The following USP15 variants were observed in gnomAD, a reference collection of about 807,000 sequenced individuals.
USP15 encodes ubiquitin carboxyl-terminal hydrolase 15.
USP15 carries 18 observed loss-of-function variants against 127.1 expected under a neutral mutation model. That is an observed-to-expected ratio of 0.14 (90% confidence interval 0.10 to 0.21). The LOEUF is 0.21. Among genes scored for constraint, USP15 ranks in the 10% least tolerant of loss-of-function variants. The pLI is 1.00. For missense variants in USP15, 805 were observed against 1,159.9 expected (o/e 0.69, Z 4.44); for synonymous variants, 364 against 393.7 (o/e 0.92, Z 0.89).
chr12:62,300,870 G>GA (rs529379341), intron 2 of USP15, among the ~76,000 whole-genome samples: 3 of 152,112 alleles, frequency 2.0e-5, no homozygotes, highest in Admixed American at 2.0e-4. Flanking sequence ...GTTGCTAAAA[G>GA]AAAAAATGTA....
chr12:62,267,091 A>G (rs1212925158), intron 1 of USP15: 1 of 152,130 alleles, frequency 6.6e-6, no homozygotes, highest in Non-Finnish European at 1.5e-5. Context: ...CCTTGTATAG[A>G]ATTTTTCAAC....
rs1001081070 is a variant in USP15 at position 62,404,489 on chromosome 12, C to T, written c.*114C>T. 5.2e-6 allele frequency: 7 copies of T among 1,359,134 alleles called. No homozygotes were observed. Among genetic ancestry groups the T allele is most frequent in the Admixed American group, 3.2e-5 (1 of 30,796 alleles). 84.2% of individuals were successfully genotyped at this position (1,359,134 alleles called of 1,614,324 possible). Reference sequence around the variant, plus strand: ...TCTGAGATGGGGAGTTTCAGATAACCGAATGTAAATCCTTTATCAGATTTT... The same window carrying T: ...TCTGAGATGGGGAGTTTCAGATAACTGAATGTAAATCCTTTATCAGATTTT... On this transcript the variant is annotated 3_prime_UTR_variant, in exon 22 of 22. Coordinates refer to ENST00000280377, the MANE Select transcript of USP15 (RefSeq NM_001252078.2).
rs115448967 is a variant in USP15 at position 62,382,774 on chromosome 12, G to A, written c.1090-1066G>A. ...TCTCTGTGATACTCATCCTCCTTTT[G>A]CGCATAGAAACTAAGTGAGAGCCTA... On this transcript the variant is annotated intron_variant, in intron 9 of 21. Transcript: ENST00000280377. Among the ~76,000 whole-genome samples the A allele has an allele frequency of 3.7e-3, 561 of 151,842 alleles. 5 individuals are homozygous for A. The highest frequency in any genetic ancestry group is 0.013 in the African/African-American group (528 of 41,452).
chr12:62,392,487 G>A (rs1480474014), intron 18 of USP15, 100 bp downstream of exon 18: 8 of 846,024 alleles, frequency 9.5e-6, no homozygotes, highest in Non-Finnish European at 7.2e-6. Context: ...AATTCTCTTT[G>A]ATGTTTTAAA....
In USP15 at chr12:62,389,926, T is replaced by C. The variant is rs759284139; in HGVS notation, c.1782T>C (p.Leu594=). ...CTTCACTTTTTGGTCAGCCCTTTCT[T>C]ATGGCTGTACCACGAAACAATACTG... ...TGSSLFGQPF[L]MAVPRNNTED... The change falls in exon 14 of 22, where the codon CTT becomes CTC. Residue 594 remains leucine, a synonymous_variant. Coordinates refer to ENST00000280377, the MANE Select transcript of USP15 (RefSeq NM_001252078.2). 7.4e-6 allele frequency: 12 copies of C among 1,613,786 alleles called. 1 individual carries two copies. The South Asian group carries it at 1.2e-4, about 16-fold the overall frequency.
chr12:62,332,482 C>G (rs1426116581), intron 6 of USP15, among the ~76,000 whole-genome samples: 1 of 151,556 alleles, frequency 6.6e-6, no homozygotes, highest in Non-Finnish European at 1.5e-5. Flanking sequence ...CTAGTAAAAT[C>G]TTGGATTTCT....
rs530192530 is a variant in USP15 at position 62,318,484 on chromosome 12, G to T, written c.476-2980G>T. On this transcript the variant is annotated intron_variant, in intron 4 of 21. Coordinates refer to ENST00000280377, the MANE Select transcript of USP15 (RefSeq NM_001252078.2). ...GCTTCCTGGGCACAGTTTCTCACTG[G>T]CTGCATCTTGTTGGAGTCCTTTGTA... Among the ~76,000 whole-genome samples, 573 of 152,170 alleles carry T rather than the reference G, an allele frequency of 3.8e-3. 3 individuals carry two copies. The highest frequency in any genetic ancestry group is 6.8e-3 in the Middle Eastern group (2 of 294).
rs2066240777 is a variant in USP15, at chr12:62,359,317, G to A, written c.915+3842G>A. Reference sequence around the variant, plus strand: ...ACAGTTTATGGAGTTACACTACTTGGATTAAAAACATGGCCTTCCTGCTTA... The same window carrying A: ...ACAGTTTATGGAGTTACACTACTTGAATTAAAAACATGGCCTTCCTGCTTA... On this transcript the variant is annotated intron_variant, in intron 8 of 21. Transcript: ENST00000280377. Among the ~76,000 whole-genome samples, 3 of 151,188 alleles carry A rather than the reference G, an allele frequency of 2.0e-5. No homozygotes were observed. The South Asian group carries it at 6.2e-4, about 31-fold the overall frequency.
At chr12:62,263,358 T>A (rs1324540277) in intron 1 of USP15, among the ~76,000 whole-genome samples, 1 of 152,210 alleles carries the variant, frequency 6.6e-6, no homozygotes. Flanking sequence ...GTTATAGTCA[T>A]ATGCATCACA....
intron 1 of USP15, among the ~76,000 whole-genome samples, chr12:62,292,147 G>T (rs1391350179): frequency 3.3e-5 from 5 of 151,944 alleles, no homozygotes. Context: ...GGGGTGGGAT[G>T]GGGGGGTGTG....
chr12:62,407,052 A>G lies in USP15; in HGVS notation c.*2677A>G, dbSNP rs2067889674. 6.6e-6 allele frequency: 1 copy of G among 152,204 alleles called. No homozygotes were observed. The highest frequency in any genetic ancestry group is 6.5e-5 in the Admixed American group (1 of 15,280). The allele number at this position is 152,204 out of a possible 1,614,324, so 9.4% of individuals were successfully genotyped here. Reference sequence around the variant, plus strand: ...CTACTTCTAGCTTTGCCACTTAGCAATCATATGACTTTGAACTTAATCTTT... The same window carrying G: ...CTACTTCTAGCTTTGCCACTTAGCAGTCATATGACTTTGAACTTAATCTTT... On this transcript the variant is annotated 3_prime_UTR_variant, in exon 22 of 22. Transcript: ENST00000280377.
chr12:62,388,067 C>T (rs1015758095), intron 11 of USP15, among the ~76,000 whole-genome samples: 3 of 149,442 alleles, frequency 2.0e-5, no homozygotes, highest in Non-Finnish European at 3.0e-5. Flanking sequence ...AGGTATTCTG[C>T]TGATATTAAG....
At chr12:62,301,011 T>G (rs1478673641) in intron 2 of USP15, among the ~76,000 whole-genome samples, 1 of 152,086 alleles carries the variant, frequency 6.6e-6, no homozygotes, top group Non-Finnish European at 1.5e-5. Flanking sequence ...AATATACAGT[T>G]TATAAAACTC....
At position 62,401,220 on chromosome 12, in the gene USP15, A is replaced by G; in HGVS notation, c.2708A>G (p.Lys903Arg). ...TTTGCAAAAAATAAAGATGATGGAA[A>G]ATGGTACTATTTTGATGACAGTAGT... ...TAFAKNKDDG[K>R]WYYFDDSSVS... Residue 903 changes from lysine (K) to arginine (R), a missense_variant, in exon 21 of 22, where the codon AAA becomes AGA. Around this residue, in one of 11 missense-constraint regions of USP15, gnomAD observed 116 missense variants for 157.2 expected, o/e 0.74. Transcript: ENST00000280377. The G allele has an allele frequency of 6.2e-7, 1 of 1,611,834 alleles. No homozygotes were observed. The highest frequency in any genetic ancestry group is 8.5e-7 in the Non-Finnish European group (1 of 1,178,802).
rs749072945 is a variant in USP15 at position 62,302,959 on chromosome 12, C to G, written c.348+39C>G. 14 of 1,576,998 alleles carry G rather than the reference C, an allele frequency of 8.9e-6. No homozygotes were observed. The East Asian group carries it at 3.2e-4, about 36-fold the overall frequency. On this transcript the variant is annotated intron_variant, in intron 3 of 21. Coordinates refer to ENST00000280377, the MANE Select transcript of USP15 (RefSeq NM_001252078.2). ...ATAACTGACTATAAATATTATTTTT[C>G]TTGATTAGTTCACATTTTATTATTA...
rs996879886 is a variant in USP15 at position 62,410,818 on chromosome 12, G to A, written c.*6443G>A. ...TTAGCAAAGGAATTAATAACTAATA[G>A]CATTGATGAGTCAAGTTAATATTTG... On this transcript the variant is annotated 3_prime_UTR_variant, in exon 22 of 22. Coordinates refer to ENST00000280377, the MANE Select transcript of USP15 (RefSeq NM_001252078.2). 2.0e-5 allele frequency: 3 copies of A among 151,098 alleles called. No individual in the cohort carries two copies. The highest frequency in any genetic ancestry group is 7.3e-5 in the African/African-American group (3 of 41,214). 9.4% of individuals were successfully genotyped at this position (151,098 alleles called of 1,614,324 possible). A position where few individuals can be genotyped will look rare whatever the true frequency, so the allele number is the denominator to read the frequency against.
In USP15 at chr12:62,384,074, G is replaced by A. The variant is rs1487289241; in HGVS notation, c.1249-4G>A. 6.2e-7 allele frequency: 1 copy of A among 1,611,944 alleles called. No homozygotes were observed. The highest frequency in any genetic ancestry group is 8.5e-7 in the Non-Finnish European group (1 of 1,179,052). ...TTTCTAATTTGTGTCTATTATCCTT[G>A]TAGGTGGTTGCCGAAGAAGCCTGGG... On this transcript the variant is annotated splice_region_variant and splice_polypyrimidine_tract_variant and intron_variant, in intron 10 of 21. Transcript: ENST00000280377.
At chr12:62,307,186 A>G (rs1455813518) in intron 3 of USP15, among the ~76,000 whole-genome samples, 1 of 152,180 alleles carries the variant, frequency 6.6e-6, no homozygotes, top group East Asian at 1.9e-4. Flanking sequence ...CAGAAGCAGT[A>G]TTAAATGAAA....
At chr12:62,395,481 G>A (rs976231440) in intron 19 of USP15, among the ~76,000 whole-genome samples, 4 of 151,782 alleles carry the variant, frequency 2.6e-5, no homozygotes, top group Non-Finnish European at 4.4e-5. Flanking sequence ...CCTCTCAAGC[G>A]TTTATCGTTT....
Sources: allele counts gnomAD v4.1 joint callset (sites outside exome capture counted in the v4.1 genomes callset), GRCh38; gene constraint gnomAD v4.1.1; regional missense constraint gnomAD v4.1.1; transcripts MANE v1.5; gene names NCBI Gene and HGNC (gene_info 2026-07-23, HGNC 2026-07-21).